Variants in TMTC2 observed in about 807,000 individuals in gnomAD.
TMTC2 encodes transmembrane O-mannosyltransferase targeting cadherins 2.
Under a neutral mutation model 82.4 loss-of-function variants are expected in TMTC2, and 43 were observed. The observed-to-expected ratio is 0.52, with a 90% CI of 0.41 to 0.67. TMTC2 has a LOEUF of 0.67. TMTC2 is among the 30% of genes least tolerant of loss of function. The pLI is 0.00. For synonymous variants in TMTC2, 408 were observed against 381.9 expected, an observed-to-expected ratio of 1.07 and a Z score of -0.80; for missense variants, 919 against 1,012.4, an observed-to-expected ratio of 0.91 and a Z score of 1.25.
At chr12:83,070,434 T>C (rs1883068660) in intron 11 of TMTC2, among the ~76,000 whole-genome samples, 1 of 151,952 alleles carries the variant, frequency 6.6e-6, no homozygotes, top group Non-Finnish European at 1.5e-5. Flanking sequence ...AGTATTTTAT[T>C]ATTTTTTTTT....
intron 2 of TMTC2, among the ~76,000 whole-genome samples, chr12:82,889,282 A>C (rs2707757): frequency 0.6 from 89,101 of 149,378 alleles, 28,025 homozygotes; most frequent in African/African-American, 0.8. Context: ...AAAAAAAAAA[A>C]AGTGTAGGAA....
chr12:82,901,793 A>G (rs1478077191), intron 3 of TMTC2, among the ~76,000 whole-genome samples: 1 of 152,092 alleles, frequency 6.6e-6, no homozygotes, highest in African/African-American at 2.4e-5. Flanking sequence ...GAGATGCCAC[A>G]TTCCTCTGGT....
intron 2 of TMTC2, among the ~76,000 whole-genome samples, chr12:82,875,047 A>G (rs1872412330): frequency 6.6e-6 from 1 of 152,146 alleles, no homozygotes; most frequent in Admixed American, 6.5e-5. Context: ...TGAGGGCCAT[A>G]TGGAGTTTAC....
At chr12:82,819,551 G>T (rs1868962267) in intron 1 of TMTC2, among the ~76,000 whole-genome samples, 1 of 146,502 alleles carries the variant, frequency 6.8e-6, no homozygotes. Flanking sequence ...GCCCAGGCTG[G>T]AGTGCAATGG....
At chr12:82,904,985 T>TC (rs1166880905) in intron 3 of TMTC2, among the ~76,000 whole-genome samples, 9 of 151,236 alleles carry the variant, frequency 6.0e-5, no homozygotes, top group Admixed American at 2.6e-4. Context: ...TTTGTTTCTT[T>TC]TTTTTTTTTT....
At chr12:83,107,941 T>C (rs1884472969) in intron 11 of TMTC2, among the ~76,000 whole-genome samples, 1 of 151,220 alleles carries the variant, frequency 6.6e-6, no homozygotes, top group Admixed American at 6.7e-5. Context: ...AGGGGATGGA[T>C]TTCCCCCCTT....
chr12:82,930,344 C>A, intron 3 of TMTC2, 87 bp from the exon 4 acceptor site: 1 of 647,232 alleles, frequency 1.5e-6, no homozygotes, highest in South Asian at 2.7e-5. Context: ...GGTTTTCTCT[C>A]CCTGTGGTAC....
intron 11 of TMTC2, among the ~76,000 whole-genome samples, chr12:83,090,726 A>C (rs1329061725): frequency 6.6e-6 from 1 of 151,952 alleles, no homozygotes; most frequent in Non-Finnish European, 1.5e-5. Context: ...TCTTAGATCC[A>C]TTTCCTGGAT....
intron 9 of TMTC2, among the ~76,000 whole-genome samples, chr12:83,033,452 T>C (rs1881522484): frequency 6.6e-6 from 1 of 152,168 alleles, no homozygotes; most frequent in African/African-American, 2.4e-5. Flanking sequence ...TGCTTTTTCT[T>C]CCATAAAATA....
At chr12:82,963,182 G>A (rs1878018455) in intron 4 of TMTC2, among the ~76,000 whole-genome samples, 1 of 151,976 alleles carries the variant, frequency 6.6e-6, no homozygotes, top group African/African-American at 2.4e-5. Context: ...GCTTTGAAGG[G>A]AAGAACGATC....
intron 11 of TMTC2, among the ~76,000 whole-genome samples, chr12:83,088,573 T>C (rs1181462902): frequency 1.3e-5 from 2 of 152,184 alleles, no homozygotes; most frequent in East Asian, 3.8e-4. Flanking sequence ...AATATTGTTG[T>C]GTCTCTAGGA....
intron 9 of TMTC2, among the ~76,000 whole-genome samples, chr12:83,047,961 G>C (rs1398520576): frequency 1.3e-5 from 2 of 152,104 alleles, no homozygotes; most frequent in African/African-American, 4.8e-5. Flanking sequence ...CTTGTTATGG[G>C]TATCATTACT....
intron 4 of TMTC2, among the ~76,000 whole-genome samples, chr12:82,935,391 T>A (rs527506122): frequency 2.4e-4 from 37 of 152,270 alleles, no homozygotes; most frequent in Non-Finnish European, 4.6e-4. Flanking sequence ...AATCTGATAT[T>A]TCATACAAGA....
chr12:83,121,005 T>C (rs1463091513), intron 11 of TMTC2, among the ~76,000 whole-genome samples: 2 of 152,194 alleles, frequency 1.3e-5, no homozygotes, highest in African/African-American at 4.8e-5. Context: ...TCCTGAAGTT[T>C]TTATTGTTCT....
chr12:82,988,676 A>G (rs1879275211), intron 8 of TMTC2, among the ~76,000 whole-genome samples: 1 of 151,800 alleles, frequency 6.6e-6, no homozygotes, highest in Non-Finnish European at 1.5e-5. Flanking sequence ...CCAGCAACAC[A>G]GAGTTTACCC....
chr12:83,113,204 T>C (rs903981738), intron 11 of TMTC2, among the ~76,000 whole-genome samples: 7 of 152,114 alleles, frequency 4.6e-5, no homozygotes, highest in African/African-American at 1.7e-4. Flanking sequence ...GACAGGAAGG[T>C]AAGGACGTAA....
At chr12:83,118,652 C>T (rs1192779391) in intron 11 of TMTC2, among the ~76,000 whole-genome samples, 3 of 151,952 alleles carry the variant, frequency 2.0e-5, no homozygotes, top group East Asian at 1.9e-4. Context: ...TATATCCTTT[C>T]GTGGTTTTGG....
intron 1 of TMTC2, among the ~76,000 whole-genome samples, chr12:82,768,657 G>A (rs1017073735): frequency 3.3e-5 from 5 of 151,950 alleles, no homozygotes; most frequent in Admixed American, 6.6e-5. Context: ...ATATACAGGA[G>A]AAATTCCTCA....
chr12:83,026,641 G>A (rs1362508376), intron 8 of TMTC2, among the ~76,000 whole-genome samples: 1 of 151,478 alleles, frequency 6.6e-6, no homozygotes, highest in Non-Finnish European at 1.5e-5. Context: ...AGCCATAATA[G>A]TCTAATTATC....
Sources: gnomAD v4.1 joint callset for allele counts (sites outside exome capture counted in the v4.1 genomes callset) on GRCh38, gnomAD v4.1.1 for gene constraint, MANE v1.5 for transcripts, NCBI Gene and HGNC (gene_info 2026-07-23, HGNC 2026-07-21) for gene names.